Variants in DPP6 observed in about 807,000 individuals in gnomAD.
The protein encoded by DPP6 is dipeptidyl peptidase like 6, also known as A-type potassium channel modulatory protein DPP6.
A neutral mutation model predicts 122.6 loss-of-function variants in DPP6; 69 were observed. The observed-to-expected ratio is 0.56, with a 90% confidence interval of 0.46 to 0.69. The LOEUF (loss-of-function observed/expected upper bound fraction) is 0.69, where lower values mean the gene tolerates loss of function less well. Among genes scored for constraint, DPP6 ranks in the 30% least tolerant of loss-of-function variants. DPP6 has a pLI of 0.00. For synonymous variants in DPP6, 418 were observed against 433.1 expected (o/e 0.97, Z 0.43); for missense variants, 928 against 1,116.9 (o/e 0.83, Z 2.41).
At chr7:153,976,703 C>A (rs1255758886) in intron 1 of DPP6, among the ~76,000 whole-genome samples, 1 of 152,190 alleles carries the variant, frequency 6.6e-6, no homozygotes, top group Non-Finnish European at 1.5e-5. Context: ...GCTCACCTGC[C>A]TGGAAGTCAC....
At chr7:154,302,553 A>C (rs1288959135) in intron 1 of DPP6, among the ~76,000 whole-genome samples, 1 of 152,208 alleles carries the variant, frequency 6.6e-6, no homozygotes, top group Non-Finnish European at 1.5e-5. Flanking sequence ...TAGATGAGTG[A>C]GGGAGGTGGG....
chr7:154,204,080 C>T (rs1049846534), intron 1 of DPP6, among the ~76,000 whole-genome samples: 1 of 152,216 alleles, frequency 6.6e-6, no homozygotes, highest in Non-Finnish European at 1.5e-5. Flanking sequence ...GTTGCTTCCT[C>T]TTACGTGCAT....
rs955792378 is a variant in DPP6 at position 154,036,007 on chromosome 7, T to TAC, written c.51+148274_51+148275dup. On this transcript the variant is annotated intron_variant, in intron 1 of 25. Coordinates refer to the DPP6 transcript ENST00000404039. ...TCAGAGAATGATGAATGGCCAGGATTACGCGCGCGCGCTTGTGTGTGTGTG... is the reference window on the plus strand; with the variant it reads ...TCAGAGAATGATGAATGGCCAGGATTACACGCGCGCGCGCTTGTGTGTGTGTG... Among the ~76,000 whole-genome samples the TAC allele has an allele frequency of 9.3e-4, 31 of 33,508 alleles. 2 individuals are homozygous for TAC. Among genetic ancestry groups the TAC allele is most frequent in the Admixed American group, 1.3e-3 (3 of 2,244 alleles). 22.0% of individuals were successfully genotyped at this position (33,508 alleles called of 152,430 possible).
In DPP6 at chr7:154,859,914, G is replaced by A. The variant is rs3807276; in HGVS notation, c.1714+6087G>A. Among the ~76,000 whole-genome samples the A allele has an allele frequency of 2.6e-5, 4 of 152,348 alleles. No homozygotes were observed. In the East Asian group the frequency reaches 5.8e-4, roughly 22 times the overall value. ...CCACAGCCATGCAGAGAAAGCGTGC[G>A]TGTGGCGGGGTTGAAGCTGGCTACA... On this transcript the variant is annotated intron_variant, in intron 17 of 25. Coordinates refer to ENST00000377770, the MANE Select transcript of DPP6 (RefSeq NM_130797.4).
intron 1 of DPP6, among the ~76,000 whole-genome samples, chr7:154,339,407 AG>A (rs1285013667): frequency 5.3e-5 from 8 of 152,090 alleles, no homozygotes; most frequent in Admixed American, 5.2e-4. Context: ...AATGGGGAGG[AG>A]GCTTTACGGT....
chr7:154,150,416 C>A (rs1204134025), intron 1 of DPP6, among the ~76,000 whole-genome samples: 13 of 152,168 alleles, frequency 8.5e-5, no homozygotes, highest in Admixed American at 7.9e-4. Context: ...AATACCAGGG[C>A]TCCGTGGAGA....
rs550826600 is a variant in DPP6 at position 154,544,966 on chromosome 7, G to A, written c.552+4340G>A. Among the ~76,000 whole-genome samples, 6 of 152,292 alleles carry A rather than the reference G, an allele frequency of 3.9e-5. No individual in the cohort carries two copies. In the South Asian group the frequency reaches 6.2e-4, roughly 16 times the overall value. ...AGCAGTAGCAGACAGTGGAATCCAC[G>A]CCACTTTAGTTTTGAGGTCCATCCC... On this transcript the variant is annotated intron_variant, in intron 4 of 25. Coordinates refer to ENST00000377770, the MANE Select transcript of DPP6 (RefSeq NM_130797.4).
At chr7:154,429,416 T>G (rs10952479) in intron 1 of DPP6, among the ~76,000 whole-genome samples, 120,658 of 152,122 alleles carry the variant, frequency 0.79, 47,973 homozygotes, top group East Asian at 0.88. Context: ...AGAAAACTTC[T>G]CATGTATTGG....
chr7:153,929,448 GA>G (rs1801073411), intron 1 of DPP6, among the ~76,000 whole-genome samples: 1 of 152,022 alleles, frequency 6.6e-6, no homozygotes, highest in African/African-American at 2.4e-5. Context: ...GATGTCCTGG[GA>G]AGTTGAATAA....
rs542163457 is a variant in DPP6 at position 154,089,251 on chromosome 7, C to T, written c.243+36188C>T. The stretch of plus-strand genomic sequence containing the variant: ...AGTGTTCAAAACGTGGAATGCGAGT[C>T]TCCAGGAATTGTGATTTTTTTCTTT... On this transcript the variant is annotated intron_variant, in intron 1 of 25. Transcript: ENST00000377770. Among the ~76,000 whole-genome samples the T allele has an allele frequency of 6.3e-4, 95 of 151,384 alleles. 1 individual carries two copies. The highest frequency in any genetic ancestry group is 2.1e-3 in the South Asian group (10 of 4,732).
intron 1 of DPP6, among the ~76,000 whole-genome samples, chr7:154,251,119 G>A (rs1389627386): frequency 3.3e-5 from 5 of 152,230 alleles, no homozygotes; most frequent in Non-Finnish European, 7.3e-5. Context: ...CGGGAATGCT[G>A]TTATTTTTGA....
chr7:154,485,353 C>G (rs1443761309), intron 3 of DPP6, among the ~76,000 whole-genome samples: 1 of 152,126 alleles, frequency 6.6e-6, no homozygotes, highest in Non-Finnish European at 1.5e-5. Flanking sequence ...GTGTAAACCA[C>G]CAGTTTATTT....
chr7:153,995,114 C>T (rs569573495), intron 1 of DPP6, among the ~76,000 whole-genome samples: 11 of 152,338 alleles, frequency 7.2e-5, no homozygotes, highest in African/African-American at 2.4e-4. Context: ...GTCTGTGCTT[C>T]ACTGCAGTTG....
At chr7:154,101,983 A>AC (rs1200872738) in intron 1 of DPP6, among the ~76,000 whole-genome samples, 1 of 149,316 alleles carries the variant, frequency 6.7e-6, no homozygotes, top group South Asian at 2.1e-4. Context: ...TCTTGCTCCT[A>AC]CCGTCTTACT....
chr7:154,061,183 C>G (rs1436799050), intron 1 of DPP6, among the ~76,000 whole-genome samples: 137 of 148,402 alleles, frequency 9.2e-4, no homozygotes, highest in African/African-American at 3.3e-3. Flanking sequence ...CTGTGGATCC[C>G]AAACTGCAGT....
chr7:154,720,611 G>A (rs1056479468), intron 7 of DPP6, among the ~76,000 whole-genome samples: 4 of 152,244 alleles, frequency 2.6e-5, no homozygotes, highest in African/African-American at 9.6e-5. Flanking sequence ...CTGCAGCATG[G>A]CAGGGGTTCC....
chr7:154,574,631 G>GC (rs1831379051), intron 5 of DPP6, among the ~76,000 whole-genome samples: 2 of 110,598 alleles, frequency 1.8e-5, no homozygotes, highest in African/African-American at 6.9e-5. Context: ...TGTGTGGTGT[G>GC]TGTGTGTGGT....
rs73729238 is a variant in DPP6 at position 153,950,588 on chromosome 7, C to T, written c.51+62854C>T. Among the ~76,000 whole-genome samples the T allele has an allele frequency of 3.0e-3, 459 of 152,260 alleles. 2 individuals carry two copies. The highest frequency in any genetic ancestry group is 0.014 in the Middle Eastern group (4 of 294). On this transcript the variant is annotated intron_variant, in intron 1 of 25. Transcript: ENST00000404039. ...GGTAATACCACAGCCCAGGAAGGAACGCCTGAAGTGGAAATAAGGAAAGAT... is the reference window on the plus strand; with the variant it reads ...GGTAATACCACAGCCCAGGAAGGAATGCCTGAAGTGGAAATAAGGAAAGAT...
intron 1 of DPP6, among the ~76,000 whole-genome samples, chr7:154,383,890 CAA>C (rs375015144): frequency 6.6e-5 from 7 of 106,498 alleles, no homozygotes; most frequent in Admixed American, 1.1e-4. Context: ...ACTCTGTCTC[CAA>C]AAAAAAAAAA....
Sources: gnomAD v4.1 joint callset for allele counts (sites outside exome capture counted in the v4.1 genomes callset) on GRCh38, gnomAD v4.1.1 for gene constraint, MANE v1.5 for transcripts, NCBI Gene and HGNC (gene_info 2026-07-23, HGNC 2026-07-21) for gene names.